IL1RN: variants seen among roughly 807,000 people sequenced by gnomAD.
IL1RN encodes the protein interleukin-1 receptor antagonist protein.
A neutral mutation model predicts 13.7 loss-of-function variants in IL1RN; 10 were observed. The observed-to-expected ratio is 0.73, with a 90% confidence interval of 0.45 to 1.24. The LOEUF (loss-of-function observed/expected upper bound fraction) is 1.24. Among genes scored for constraint, IL1RN ranks in the 50% most tolerant of loss-of-function variants. IL1RN has a pLI of 0.00. For synonymous variants in IL1RN, 102 were observed against 82.7 expected, an observed-to-expected ratio of 1.23 and a Z score of -1.27; for missense variants, 213 against 222.1, an observed-to-expected ratio of 0.96 and a Z score of 0.26.
Position 113,119,961 on chromosome 2 carries a change from G to C in IL1RN, c.11-105G>C, listed in dbSNP as rs4251986. ...GTGAGAACAGAGGGTAAAGGATAGA[G>C]ATGGAACCATGTGCATACACTTTGT... On this transcript the variant is annotated intron_variant, in intron 1 of 5. Coordinates refer to the IL1RN transcript ENST00000259206. 221,153 of 880,292 alleles carry C rather than the reference G, an allele frequency of 0.25. 30,123 individuals are homozygous for C. The highest frequency in any genetic ancestry group is 0.3 in the Admixed American group (15,241 of 50,466). The allele number at this position is 880,292 out of a possible 1,614,324, so 54.5% of individuals were successfully genotyped here.
chr2:113,117,700 T>A (rs779690843), upstream of IL1RN: 1 of 526,452 alleles, frequency 1.9e-6, no homozygotes, highest in Non-Finnish European at 3.4e-6. Flanking sequence ...TCTCTGCATG[T>A]GACCTCCCAT....
At chr2:113,127,865 C>T in intron 1 of IL1RN, 125 bp downstream of exon 1, 1 of 881,894 alleles carries the variant, frequency 1.1e-6, no homozygotes, top group Non-Finnish European at 1.8e-6. Context: ...GAGAGGATGT[C>T]CATTATTCAA....
At chr2:113,109,905 T>C (rs925762147), upstream of IL1RN, among the ~76,000 whole-genome samples, 1 of 152,176 alleles carries the variant, frequency 6.6e-6, no homozygotes. Context: ...ATTTTACAGA[T>C]GGGGAAATTT....
At chr2:113,129,932 T>C in intron 2 of IL1RN, 1 of 461,274 alleles carries the variant, frequency 2.2e-6, no homozygotes, top group Admixed American at 3.4e-5. Flanking sequence ...GAAGGGCAAA[T>C]ACCAGAAGGC....
At chr2:113,132,443 G>A (rs1169555511) in intron 3 of IL1RN, among the ~76,000 whole-genome samples, 5 of 152,144 alleles carry the variant, frequency 3.3e-5, no homozygotes, top group South Asian at 2.1e-4. Flanking sequence ...GCAAGACTCC[G>A]TCTCGGGAAA....
chr2:113,107,731 AAAACCAAACC>A (rs779447893), upstream of IL1RN, among the ~76,000 whole-genome samples: 1 of 152,150 alleles, frequency 6.6e-6, no homozygotes, highest in Non-Finnish European at 1.5e-5. Context: ...AGACTGCCTC[AAAACCAAACC>A]AAACCAAACC....
upstream of IL1RN, among the ~76,000 whole-genome samples, chr2:113,102,709 C>T (rs1013933505): frequency 2.6e-5 from 4 of 151,710 alleles, no homozygotes; most frequent in East Asian, 7.8e-4. Flanking sequence ...GGGTTTCTCT[C>T]TTTGGGCAGG....
upstream of IL1RN, among the ~76,000 whole-genome samples, chr2:113,104,766 C>T (rs568115502): frequency 6.6e-6 from 1 of 152,036 alleles, no homozygotes. Context: ...CTTTTTGAGT[C>T]CCATTATACT....
the IL1RN span, among the ~76,000 whole-genome samples, chr2:113,102,145 C>T: frequency 6.6e-6 from 1 of 152,164 alleles, no homozygotes; most frequent in Non-Finnish European, 1.5e-5. Flanking sequence ...GGTGGCTTAA[C>T]CAACAGGAAG....
At chr2:113,118,923 G>C (rs191464633) in intron 1 of IL1RN, among the ~76,000 whole-genome samples, 27 of 152,160 alleles carry the variant, frequency 1.8e-4, no homozygotes, top group African/African-American at 6.0e-4. Context: ...TGCAATCTTA[G>C]CTACTTGGGT....
intron 1 of IL1RN, among the ~76,000 whole-genome samples, chr2:113,112,564 T>TA (rs1447628507): frequency 1.3e-5 from 2 of 152,164 alleles, no homozygotes; most frequent in Non-Finnish European, 2.9e-5. Flanking sequence ...CTTTGAATGT[T>TA]ACAGTTTAGT....
chr2:113,123,911 A>C (rs963758377), upstream of IL1RN, among the ~76,000 whole-genome samples: 2 of 152,238 alleles, frequency 1.3e-5, no homozygotes, highest in African/African-American at 4.8e-5. Context: ...GATGTTGAGA[A>C]ATAGCCAACA....
chr2:113,105,451 A>G (rs557968612), upstream of IL1RN, among the ~76,000 whole-genome samples: 1 of 152,204 alleles, frequency 6.6e-6, no homozygotes, highest in South Asian at 2.1e-4. Context: ...GTGAGAATTG[A>G]TTAGAAATGT....
upstream of IL1RN, among the ~76,000 whole-genome samples, chr2:113,126,088 G>A (rs535929430): frequency 8.5e-5 from 13 of 152,272 alleles, 1 homozygote; most frequent in South Asian, 2.1e-3. Flanking sequence ...GTGAGCCACC[G>A]TGCCCAGCCC....
chr2:113,114,723 T>C (rs1686561825), upstream of IL1RN, among the ~76,000 whole-genome samples: 1 of 152,040 alleles, frequency 6.6e-6, no homozygotes, highest in Non-Finnish European at 1.5e-5. Context: ...TGGTTTCCCA[T>C]TTATTTTTCT....
chr2:113,126,438 C>A (rs1286914328), upstream of IL1RN, among the ~76,000 whole-genome samples: 6 of 152,180 alleles, frequency 3.9e-5, no homozygotes, highest in Non-Finnish European at 7.3e-5. Flanking sequence ...AGGATGATTG[C>A]CAAGCTCCCG....
chr2:113,131,169 C>G lies in IL1RN; in HGVS notation c.318+12C>G, dbSNP rs561872655. The G allele has an allele frequency of 1.1e-4, 165 of 1,534,258 alleles. 3 individuals carry two copies. In the South Asian group the frequency reaches 1.7e-3, roughly 16 times the overall value. ...GACTCCAGCTGGAGGTAAAAACATG[C>G]TTTGGATCTCAAATCACCCCAAAAC... is the stretch of plus-strand genomic sequence containing the variant. On this transcript the variant is annotated intron_variant, in intron 3 of 3. Coordinates refer to ENST00000409930, the MANE Select transcript of IL1RN (RefSeq NM_173842.3).
At chr2:113,116,055 T>C (rs1686585413), upstream of IL1RN, among the ~76,000 whole-genome samples, 1 of 152,216 alleles carries the variant, frequency 6.6e-6, no homozygotes, top group Admixed American at 6.5e-5. Context: ...TAGCCCAGTC[T>C]TCACAAGCAC....
Position 113,127,632 on chromosome 2 carries a change from T to A in IL1RN, c.8T>A (p.Ile3Asn). 1 of 1,613,972 alleles carries A rather than the reference T, an allele frequency of 6.2e-7. No individual in the cohort carries two copies. Among genetic ancestry groups the A allele is most frequent in the Non-Finnish European group, 8.5e-7 (1 of 1,179,948 alleles). The change falls in exon 1 of 4, where the codon ATC (isoleucine) becomes AAC (asparagine). Residue 3 changes from isoleucine to asparagine, a missense_variant. By Grantham distance (149) the Ile-to-Asn change is moderately radical. Coordinates refer to ENST00000409930, the MANE Select transcript of IL1RN (RefSeq NM_173842.3). ...CCTTGCTGCAGTCACAGAATGGAAATCTGCAGAGGCCTCCGCAGTCACCTA... is the reference window on the plus strand; with the variant it reads ...CCTTGCTGCAGTCACAGAATGGAAAACTGCAGAGGCCTCCGCAGTCACCTA... MEICRGLRSHLIT... is the reference protein window; with the variant it reads MENCRGLRSHLIT...
Sources: gnomAD v4.1 joint callset for allele counts (sites outside exome capture counted in the v4.1 genomes callset) on GRCh38, gnomAD v4.1.1 for gene constraint, MANE v1.5 for transcripts, NCBI Gene and HGNC (gene_info 2026-07-23, HGNC 2026-07-21) for gene names.